The following NAV2 variants were observed in gnomAD, a reference collection of about 807,000 sequenced individuals.
The protein encoded by NAV2 is helicase, APC down-regulated 1.
A neutral mutation model predicts 223.2 loss-of-function variants in NAV2; 54 were observed. The observed-to-expected ratio is 0.24, with a 90% CI of 0.19 to 0.30. The LOEUF is 0.30. Among genes scored for constraint, NAV2 ranks in the 10% least tolerant of loss-of-function variants. The pLI is 1.00. For synonymous variants in NAV2, 1,279 were observed against 1,239.3 expected (o/e 1.03, Z -0.67); for missense variants, 2,806 against 3,147.5 (o/e 0.89, Z 2.60).
chr11:19,982,530 C>T (rs2050395140), intron 10 of NAV2, among the ~76,000 whole-genome samples: 1 of 152,194 alleles, frequency 6.6e-6, no homozygotes, highest in South Asian at 2.1e-4. Flanking sequence ...ACTTCAGTCT[C>T]TTCTGTTGCA....
At position 19,878,726 on chromosome 11, in the gene NAV2, G is replaced by A. The variant is rs116278002; in HGVS notation, c.512-1143G>A. Among the ~76,000 whole-genome samples, 701 of 152,238 alleles carry A rather than the reference G, an allele frequency of 4.6e-3. 6 individuals are homozygous for A. Among genetic ancestry groups the A allele is most frequent in the African/African-American group, 0.015 (627 of 41,516 alleles). On this transcript the variant is annotated intron_variant, in intron 4 of 37. Transcript: ENST00000349880. ...CACACTGGGGGGAAGGCACTGGCAGGGCGCACTTCCTCCTCTGCGTGGAAA... is the reference window on the plus strand; with the variant it reads ...CACACTGGGGGGAAGGCACTGGCAGAGCGCACTTCCTCCTCTGCGTGGAAA...
At chr11:19,637,816 G>T (rs2047548024) in intron 1 of NAV2, among the ~76,000 whole-genome samples, 3 of 152,192 alleles carry the variant, frequency 2.0e-5, no homozygotes, top group Admixed American at 1.3e-4. Context: ...CCAACACTGG[G>T]GATTACTTTC....
chr11:19,679,789 C>T (rs1354198424), intron 1 of NAV2, among the ~76,000 whole-genome samples: 1 of 152,214 alleles, frequency 6.6e-6, no homozygotes, highest in African/African-American at 2.4e-5. Flanking sequence ...TAGGTATGAG[C>T]TTCCTGAGGG....
At chr11:19,519,483 C>T (rs1045510101) in intron 1 of NAV2, among the ~76,000 whole-genome samples, 22 of 152,244 alleles carry the variant, frequency 1.4e-4, no homozygotes, top group African/African-American at 3.4e-4. Context: ...CTCAAGGCCA[C>T]AGAGCTCGGA....
intron 1 of NAV2, among the ~76,000 whole-genome samples, chr11:19,431,333 A>G: frequency 6.6e-6 from 1 of 152,202 alleles, no homozygotes; most frequent in East Asian, 1.9e-4. Context: ...TGAAGCTGGA[A>G]GTGTGACAGG....
intron 6 of NAV2, among the ~76,000 whole-genome samples, chr11:19,895,392 T>C (rs4757855): frequency 6.6e-6 from 1 of 152,304 alleles, no homozygotes; most frequent in Non-Finnish European, 1.5e-5. Context: ...TTCAGTATGG[T>C]ACCTGATCTT....
chr11:19,624,912 A>G (rs1208334766), intron 1 of NAV2, among the ~76,000 whole-genome samples: 3 of 152,236 alleles, frequency 2.0e-5, no homozygotes, highest in Non-Finnish European at 2.9e-5. Context: ...CTTTCAAAAT[A>G]TTTTAACATT....
rs544861440 is a variant in NAV2, at chr11:19,977,692, A to G, written c.2646-6433A>G. ...GCAGTTTTATAATTCGCACTGAGAA[A>G]TTAAGCCCTTTTTTTTTCCAGTCAT... On this transcript the variant is annotated intron_variant, in intron 10 of 37. Coordinates refer to ENST00000349880, the MANE Select transcript of NAV2 (RefSeq NM_145117.5). Among the ~76,000 whole-genome samples, 7 of 152,044 alleles carry G rather than the reference A, an allele frequency of 4.6e-5. No homozygotes were observed. In the South Asian group the frequency reaches 6.2e-4, roughly 14 times the overall value.
chr11:19,900,252 A>T lies in NAV2; in HGVS notation c.931+7658A>T, dbSNP rs570749894. Among the ~76,000 whole-genome samples, 97 of 106,822 alleles carry T rather than the reference A, an allele frequency of 9.1e-4. 1 individual carries two copies. Among genetic ancestry groups the T allele is most frequent in the African/African-American group, 2.5e-3 (93 of 37,932 alleles). 70.1% of individuals were successfully genotyped at this position (106,822 alleles called of 152,430 possible). On this transcript the variant is annotated intron_variant, in intron 6 of 37. Coordinates refer to ENST00000349880, the MANE Select transcript of NAV2 (RefSeq NM_145117.5). ...GGATTAGATGCTGCCAAATTTAGGG[A>T]CTTCACAGATCACTGGAGGAATAAA...
At chr11:19,709,691 C>T (rs549127441), upstream of NAV2, among the ~76,000 whole-genome samples, 6 of 151,644 alleles carry the variant, frequency 4.0e-5, no homozygotes, top group South Asian at 1.0e-3. Context: ...AAAAATTAGC[C>T]GGGTGTGGTG....
chr11:19,724,461 C>A (rs571617732), intron 1 of NAV2, among the ~76,000 whole-genome samples: 1 of 152,286 alleles, frequency 6.6e-6, no homozygotes, highest in East Asian at 1.9e-4. Flanking sequence ...GATCTTCCTG[C>A]CTCAGCCTCC....
At chr11:19,735,697 C>T (rs1234158955) in intron 1 of NAV2, among the ~76,000 whole-genome samples, 5 of 152,162 alleles carry the variant, frequency 3.3e-5, no homozygotes, top group East Asian at 3.8e-4. Context: ...AATAACCTGC[C>T]GACAGCCCAG....
At chr11:19,846,272 C>A (rs1173301881) in intron 3 of NAV2, among the ~76,000 whole-genome samples, 1 of 152,146 alleles carries the variant, frequency 6.6e-6, no homozygotes, top group Non-Finnish European at 1.5e-5. Context: ...TACCAAATTG[C>A]CATGAACTGT....
At position 20,045,389 on chromosome 11, in the gene NAV2, C is replaced by T; in HGVS notation, c.3621C>T (p.Asn1207=). ...SKSNSRNGAG[N]RSSTSSIDSN... ...CCAACAGCCGGAACGGGGCTGGGAA[C>T]AGGTCTAGCACCAGCAGCATAGATT... Residue 1207 remains asparagine (N), a synonymous_variant, in exon 14 of 38, where the codon AAC becomes AAT. Transcript: ENST00000349880. 1 of 1,614,172 alleles carries T rather than the reference C, an allele frequency of 6.2e-7. No individual in the cohort carries two copies. The highest frequency in any genetic ancestry group is 8.5e-7 in the Non-Finnish European group (1 of 1,180,032).
chr11:19,890,929 G>A (rs1306062702), intron 5 of NAV2, among the ~76,000 whole-genome samples: 1 of 152,158 alleles, frequency 6.6e-6, no homozygotes, highest in African/African-American at 2.4e-5. Context: ...AATCCTCGCA[G>A]CACAGTGGGA....
chr11:19,963,126 T>C (rs2048471547), intron 10 of NAV2, among the ~76,000 whole-genome samples: 1 of 152,254 alleles, frequency 6.6e-6, no homozygotes, highest in Admixed American at 6.5e-5. Context: ...CCAGTCCTGC[T>C]GTGGTGGCAC....
At chr11:19,773,846 T>C (rs939634162) in intron 1 of NAV2, among the ~76,000 whole-genome samples, 13 of 152,178 alleles carry the variant, frequency 8.5e-5, no homozygotes, top group African/African-American at 2.9e-4. Context: ...AGACATCTAA[T>C]TGGTCTCCCT....
At chr11:19,580,209 G>A (rs1434775202) in intron 1 of NAV2, among the ~76,000 whole-genome samples, 1 of 152,162 alleles carries the variant, frequency 6.6e-6, no homozygotes, top group Non-Finnish European at 1.5e-5. Context: ...GCCACAGCCA[G>A]TTGTCACCGA....
At chr11:19,912,073 TA>T (rs2043359801) in intron 6 of NAV2, among the ~76,000 whole-genome samples, 1 of 152,246 alleles carries the variant, frequency 6.6e-6, no homozygotes, top group Non-Finnish European at 1.5e-5. Context: ...CATCCTGACT[TA>T]ATCTTTTGGT....
Sources: gnomAD v4.1 joint callset for allele counts (sites outside exome capture counted in the v4.1 genomes callset) on GRCh38, gnomAD v4.1.1 for gene constraint, MANE v1.5 for transcripts, NCBI Gene and HGNC (gene_info 2026-07-23, HGNC 2026-07-21) for gene names.